The following GRK7 variants were observed in gnomAD, a reference collection of about 807,000 sequenced individuals.
GRK7 encodes the protein G protein-coupled receptor kinase 7, also known as rhodopsin kinase GRK7.
A neutral mutation model predicts 34.1 loss-of-function variants in GRK7; 24 were observed. The observed-to-expected ratio is 0.70, with a 90% CI of 0.51 to 0.99. The LOEUF is 0.99. Ranked by LOEUF, GRK7 falls within the 50% of genes least tolerant of loss-of-function variation. The pLI, the probability that GRK7 is intolerant of heterozygous loss-of-function variation, is 0.00. For synonymous variants in GRK7, 256 were observed against 279.4 expected, an observed-to-expected ratio of 0.92 and a Z score of 0.84; for missense variants, 644 against 707.3, an observed-to-expected ratio of 0.91 and a Z score of 1.02.
intron 4 of GRK7, among the ~76,000 whole-genome samples, chr3:141,790,711 C>T (rs1401297731): frequency 6.6e-6 from 1 of 152,096 alleles, no homozygotes; most frequent in Non-Finnish European, 1.5e-5. Flanking sequence ...TTATAGGCAC[C>T]CACCACCACA....
At chr3:141,753,777 A>G in the GRK7 span, among the ~76,000 whole-genome samples, 1 of 152,278 alleles carries the variant, frequency 6.6e-6, no homozygotes, top group South Asian at 2.1e-4. Flanking sequence ...GTTTTAAAAC[A>G]CTAAGAGCAT....
At chr3:141,806,557 CA>C (rs1389598419) in intron 4 of GRK7, among the ~76,000 whole-genome samples, 1 of 151,448 alleles carries the variant, frequency 6.6e-6, no homozygotes, top group Non-Finnish European at 1.5e-5. Context: ...AACGATACTC[CA>C]TCTCAAAAAT....
At chr3:141,801,218 G>A (rs969754304) in intron 4 of GRK7, among the ~76,000 whole-genome samples, 9 of 149,678 alleles carry the variant, frequency 6.0e-5, no homozygotes, top group African/African-American at 2.2e-4. Flanking sequence ...GGCTGAGGCA[G>A]GAGAATGGCG....
intron 5 of GRK7, among the ~76,000 whole-genome samples, chr3:141,813,673 AG>A (rs1559849064): frequency 6.6e-6 from 1 of 151,986 alleles, no homozygotes; most frequent in Non-Finnish European, 1.5e-5. Flanking sequence ...CCTTTCTGGA[AG>A]TGGGTAGGGC....
chr3:141,770,476 A>T (rs150630970), intron 1 of GRK7, among the ~76,000 whole-genome samples: 1 of 152,254 alleles, frequency 6.6e-6, no homozygotes, highest in African/African-American at 2.4e-5. Flanking sequence ...GATTACTTCA[A>T]ATTATTAAAA....
chr3:141,776,244 G>A (rs2107875243), intron 2 of GRK7, among the ~76,000 whole-genome samples: 1 of 151,984 alleles, frequency 6.6e-6, no homozygotes, highest in East Asian at 1.9e-4. Flanking sequence ...CCGAGATCAC[G>A]CCACTGCACT....
At chr3:141,814,968 A>C (rs1229443406) in intron 5 of GRK7, among the ~76,000 whole-genome samples, 4 of 133,892 alleles carry the variant, frequency 3.0e-5, no homozygotes, top group Non-Finnish European at 4.6e-5. Flanking sequence ...TCTGTCACCC[A>C]GGCTGGAGTG....
intron 2 of GRK7, among the ~76,000 whole-genome samples, chr3:141,776,816 T>G (rs2084641975): frequency 6.6e-6 from 1 of 152,200 alleles, no homozygotes; most frequent in South Asian, 2.1e-4. Context: ...CTCTTTTTTT[T>G]GCTTGTAAAC....
chr3:141,773,652 G>A lies in GRK7; in HGVS notation c.-214-928G>A, dbSNP rs1026142859. On this transcript the variant is annotated intron_variant, in intron 1 of 5. Transcript: ENST00000682958. ...GATGGTCTCGATCTCCTGACCTTGT[G>A]ATCTGCCCACCTTGGCCTCCCAAAG... 7.9e-5 allele frequency among the ~76,000 whole-genome samples: 12 copies of A among 152,230 alleles called. No individual in the cohort carries two copies. In the South Asian group the frequency reaches 1.2e-3, roughly 16 times the overall value.
rs2107877162 is a variant in GRK7, at chr3:141,778,719, T to C, written c.435T>C (p.Ala145=). 6.2e-7 allele frequency: 1 copy of C among 1,612,816 alleles called. No homozygotes were observed. Among genetic ancestry groups the C allele is most frequent in the South Asian group, 1.1e-5 (1 of 90,878 alleles). The change falls in exon 3 of 6, where the codon GCT becomes GCC. Residue 145 remains alanine, a synonymous_variant. Coordinates refer to ENST00000682958, the MANE Select transcript of GRK7 (RefSeq NM_139209.3). The surrounding 1 kb of genome is among the most constrained non-coding windows in gnomAD (Gnocchi z 4.1). ...CCACCACTGAGGAAGAGCGAGTGGC[T>C]GCAGTGACGCTGGCCAAGGCTGAGG... ...QAATTEEERV[A]AVTLAKAEAM...
chr3:141,770,642 A>C (rs1480728303), intron 1 of GRK7, among the ~76,000 whole-genome samples: 1 of 152,216 alleles, frequency 6.6e-6, no homozygotes, highest in Non-Finnish European at 1.5e-5. Flanking sequence ...AATGGCCAAC[A>C]AGCATATAAA....
chr3:141,791,293 C>T (rs1472974269), intron 4 of GRK7, among the ~76,000 whole-genome samples: 2 of 152,082 alleles, frequency 1.3e-5, no homozygotes, highest in African/African-American at 2.4e-5. Context: ...TTTAAAAGAC[C>T]TCTGAACATG....
At chr3:141,777,948 A>T (rs1230842374) in intron 2 of GRK7, among the ~76,000 whole-genome samples, 2 of 152,172 alleles carry the variant, frequency 1.3e-5, no homozygotes, top group African/African-American at 2.4e-5. Context: ...ACTTCCTTGG[A>T]ACACAGTTCT....
At position 141,764,858 on chromosome 3, in the gene GRK7, C is replaced by T. The variant is rs2084572693; in HGVS notation, c.-1095C>T. ...CCACCCTGTTTACCAGAAATTCATC[C>T]TTCCAGTTACTCAGGCCCAAAACCT... is the stretch of plus-strand genomic sequence containing the variant. On this transcript the variant is annotated 5_prime_UTR_variant, in exon 1 of 6. Coordinates refer to ENST00000682958, the MANE Select transcript of GRK7 (RefSeq NM_139209.3). 6.6e-6 allele frequency among the ~76,000 whole-genome samples: 1 copy of T among 152,156 alleles called. No individual in the cohort carries two copies. The highest frequency in any genetic ancestry group is 6.5e-5 in the Admixed American group (1 of 15,272).
intron 4 of GRK7, among the ~76,000 whole-genome samples, chr3:141,798,876 T>C (rs115743730): frequency 0.05 from 7,595 of 152,340 alleles, 190 homozygotes; most frequent in South Asian, 0.11. Flanking sequence ...TGACATTTTC[T>C]GTCTTTAGGA....
chr3:141,770,184 T>G (rs1034973654), intron 1 of GRK7, among the ~76,000 whole-genome samples: 7 of 152,270 alleles, frequency 4.6e-5, no homozygotes, highest in African/African-American at 1.7e-4. Flanking sequence ...TACAGCGTGG[T>G]TAAAGGCTGT....
At chr3:141,789,935 T>A (rs2084715798) in intron 4 of GRK7, among the ~76,000 whole-genome samples, 2 of 152,164 alleles carry the variant, frequency 1.3e-5, no homozygotes, top group Admixed American at 1.3e-4. Flanking sequence ...ACATCAGATT[T>A]AAAAGCGCTC....
intron 5 of GRK7, among the ~76,000 whole-genome samples, chr3:141,815,962 AC>A (rs998723067): frequency 1.3e-5 from 2 of 152,132 alleles, no homozygotes; most frequent in Non-Finnish European, 2.9e-5. Context: ...CAGATTCTTG[AC>A]CCTCAGAAGC....
At chr3:141,808,497 G>A (rs911702416) in intron 5 of GRK7, among the ~76,000 whole-genome samples, 1 of 152,114 alleles carries the variant, frequency 6.6e-6, no homozygotes, top group South Asian at 2.1e-4. Flanking sequence ...GGTGGATCAC[G>A]AGGTCAGGAG....
Sources: gnomAD v4.1 joint callset for allele counts (sites outside exome capture counted in the v4.1 genomes callset) on GRCh38, gnomAD v4.1.1 for gene constraint, Gnocchi (gnomAD v3.1) non-coding constraint, MANE v1.5 for transcripts, NCBI Gene and HGNC (gene_info 2026-07-23, HGNC 2026-07-21) for gene names.